Variants in PRR5L observed in about 807,000 individuals in gnomAD.
The protein encoded by PRR5L is proline rich 5 like.
PRR5L carries 21 observed loss-of-function variants against 36.4 expected under a neutral mutation model. That is an observed-to-expected ratio of 0.58 (90% confidence interval 0.41 to 0.83). PRR5L has a LOEUF of 0.83. Ranked by LOEUF, PRR5L falls within the 40% of genes least tolerant of loss-of-function variation. The pLI, the probability that PRR5L is intolerant of heterozygous loss-of-function variation, is 0.00. For synonymous variants in PRR5L, 188 were observed against 197.0 expected, an observed-to-expected ratio of 0.95 and a Z score of 0.38; for missense variants, 381 against 473.3, an observed-to-expected ratio of 0.80 and a Z score of 1.81.
chr11:36,376,843 CG>C (rs1231395617), intron 1 of PRR5L: 1 of 571,204 alleles, frequency 1.8e-6, no homozygotes, highest in African/African-American at 2.0e-5. Context: ...AAAAGTGTCA[CG>C]TTTGGGGGGG....
intron 1 of PRR5L, chr11:36,393,759 C>T (rs1406674255): frequency 6.6e-6 from 1 of 152,162 alleles, no homozygotes; most frequent in Non-Finnish European, 1.5e-5. Context: ...CTGTAGACTG[C>T]TTTAGATAGT....
chr11:36,364,770 A>G (rs766323836), intron 1 of PRR5L, among the ~76,000 whole-genome samples: 2 of 152,188 alleles, frequency 1.3e-5, no homozygotes, highest in Admixed American at 6.5e-5. Context: ...CAGTCTGTCC[A>G]GGTGTGGAAG....
chr11:36,336,822 C>A (rs536216725), intron 1 of PRR5L, among the ~76,000 whole-genome samples: 7 of 152,188 alleles, frequency 4.6e-5, no homozygotes, highest in African/African-American at 1.4e-4. Flanking sequence ...AACTGCATAG[C>A]AATTGTCACT....
At chr11:36,406,104 C>CT (rs34363237) in intron 3 of PRR5L, among the ~76,000 whole-genome samples, 8,265 of 147,454 alleles carry the variant, frequency 0.056, 247 homozygotes, top group East Asian at 0.087. Context: ...GGTTCCTGAT[C>CT]TTTTTTTTTT....
rs577256886 is a variant in PRR5L at position 36,407,797 on chromosome 11, T to C, written c.245+4419T>C. Among the ~76,000 whole-genome samples the C allele has an allele frequency of 8.9e-4, 135 of 152,248 alleles. 1 individual carries two copies. In the South Asian group the frequency reaches 0.016, roughly 18 times the overall value. ...AAGGTAGATGTTTTATGTAACTGAG[T>C]CTTGTAATGCAGTCATTATTATAAG... On this transcript the variant is annotated intron_variant, in intron 3 of 8. Transcript: ENST00000530639.
intron 1 of PRR5L, among the ~76,000 whole-genome samples, chr11:36,384,878 C>T: frequency 6.6e-6 from 1 of 151,440 alleles, no homozygotes; most frequent in East Asian, 1.9e-4. Flanking sequence ...GCTAGATTGC[C>T]CAGGCTGGTC....
At chr11:36,407,364 T>C (rs1857932973) in intron 3 of PRR5L, among the ~76,000 whole-genome samples, 1 of 152,202 alleles carries the variant, frequency 6.6e-6, no homozygotes, top group Admixed American at 6.5e-5. Flanking sequence ...TGATGCATAC[T>C]GCACTCCAGC....
At chr11:36,385,704 C>A (rs1857446113) in intron 1 of PRR5L, among the ~76,000 whole-genome samples, 1 of 152,182 alleles carries the variant, frequency 6.6e-6, no homozygotes, top group Non-Finnish European at 1.5e-5. Flanking sequence ...CTGTGAGAGT[C>A]AGTGTTCATT....
chr11:36,350,724 T>C (rs377574599), intron 1 of PRR5L, among the ~76,000 whole-genome samples: 9 of 150,830 alleles, frequency 6.0e-5, no homozygotes, highest in African/African-American at 2.0e-4. Flanking sequence ...CCAAGTCCAC[T>C]GTATCATTCT....
At chr11:36,321,932 T>C (rs191558319) in intron 1 of PRR5L, among the ~76,000 whole-genome samples, 2 of 152,284 alleles carry the variant, frequency 1.3e-5, no homozygotes, top group Admixed American at 1.3e-4. Context: ...ACCGGTCATA[T>C]GGGGTTAAAG....
chr11:36,400,925 G>A, intron 1 of PRR5L, 72 bp from the exon 2 acceptor site: 1 of 1,245,888 alleles, frequency 8.0e-7, no homozygotes, highest in Non-Finnish European at 1.0e-6. Flanking sequence ...AGGCTGGAAA[G>A]TCCCAGCCAA....
intron 1 of PRR5L, among the ~76,000 whole-genome samples, chr11:36,320,954 A>G (rs1248804734): frequency 6.6e-6 from 1 of 152,236 alleles, no homozygotes; most frequent in Admixed American, 6.5e-5. Flanking sequence ...ATTGGTTTCT[A>G]GAAATAGGCT....
chr11:36,429,170 A>C (rs1369102499), intron 4 of PRR5L, among the ~76,000 whole-genome samples: 1 of 152,212 alleles, frequency 6.6e-6, no homozygotes, highest in Non-Finnish European at 1.5e-5. Flanking sequence ...GTAATTTTCA[A>C]ATGATTTTCT....
At chr11:36,383,726 C>T (rs1371767314) in intron 1 of PRR5L, among the ~76,000 whole-genome samples, 2 of 137,000 alleles carry the variant, frequency 1.5e-5, no homozygotes, top group Non-Finnish European at 3.0e-5. Context: ...GATGGAGTCT[C>T]GCTCTGTCAC....
chr11:36,419,088 T>C (rs74521478), intron 3 of PRR5L, among the ~76,000 whole-genome samples, 167 bp from the exon 4 acceptor site: 10,195 of 152,104 alleles, frequency 0.067, 339 homozygotes, highest in Non-Finnish European at 0.076. Flanking sequence ...AGGCTTCCCA[T>C]CACTGCAATT....
At chr11:36,370,292 CA>C in intron 1 of PRR5L, among the ~76,000 whole-genome samples, 1 of 152,324 alleles carries the variant, frequency 6.6e-6, no homozygotes, top group South Asian at 2.1e-4. Flanking sequence ...GTCTCAATTT[CA>C]AAGTTATCTT....
intron 1 of PRR5L, among the ~76,000 whole-genome samples, chr11:36,332,586 C>T (rs1212493207): frequency 1.3e-5 from 2 of 152,290 alleles, no homozygotes; most frequent in African/African-American, 4.8e-5. Context: ...CTCCAAATCT[C>T]ATGTTGAAAT....
intron 1 of PRR5L, among the ~76,000 whole-genome samples, chr11:36,391,053 G>A (rs1397886851): frequency 6.6e-6 from 1 of 152,072 alleles, no homozygotes; most frequent in African/African-American, 2.4e-5. Flanking sequence ...GTGTAAAAGA[G>A]GCCATCTCTC....
At chr11:36,297,927 C>A (rs752624727) in intron 1 of PRR5L, among the ~76,000 whole-genome samples, 16 of 152,198 alleles carry the variant, frequency 1.1e-4, no homozygotes, top group Admixed American at 2.6e-4. Flanking sequence ...AGGAAAGGAG[C>A]TGGAAGTCCG....
Sources: gnomAD v4.1 joint callset for allele counts (sites outside exome capture counted in the v4.1 genomes callset) on GRCh38, gnomAD v4.1.1 for gene constraint, MANE v1.5 for transcripts, NCBI Gene and HGNC (gene_info 2026-07-23, HGNC 2026-07-21) for gene names.